C22orf23: variants seen among roughly 807,000 people sequenced by gnomAD.
C22orf23 encodes UPF0193 protein EVG1.
In C22orf23, 30 loss-of-function variants were observed where a neutral mutation model predicts 29.7. The observed-to-expected ratio is 1.01, with a 90% CI of 0.76 to 1.37. The LOEUF (loss-of-function observed/expected upper bound fraction) is 1.37. C22orf23 is among the 40% of genes most tolerant of loss of function. The probability of loss-of-function intolerance (pLI) is 0.00; values close to 1 mark genes in which losing one functional copy is unlikely to be tolerated. For missense variants in C22orf23, 237 were observed against 273.1 expected, an observed-to-expected ratio of 0.87 and a Z score of 0.93; for synonymous variants, 90 against 96.1, an observed-to-expected ratio of 0.94 and a Z score of 0.37.
Position 37,945,179 on chromosome 22 carries a change from G to A in C22orf23, c.350-6C>T. The A allele has an allele frequency of 6.2e-7, 1 of 1,608,322 alleles. No homozygotes were observed. The highest frequency in any genetic ancestry group is 8.5e-7 in the Non-Finnish European group (1 of 1,178,040). On this transcript the variant is annotated splice_polypyrimidine_tract_variant and splice_region_variant and intron_variant, in intron 4 of 6. Transcript: ENST00000403305. Reference sequence around the variant, plus strand: ...TTTCTCCTTCTCCAAATCCCCTGTAGGGCCAAAAAGAAATGGCCTAGTTAG... The same window carrying A: ...TTTCTCCTTCTCCAAATCCCCTGTAAGGCCAAAAAGAAATGGCCTAGTTAG...
chr22:37,952,848 C>T (rs1427810922), intron 2 of C22orf23, 199 bp downstream of exon 2: 10 of 505,010 alleles, frequency 2.0e-5, no homozygotes, highest in African/African-American at 1.6e-4. Context: ...CATAGGAGCG[C>T]GAACCCTATT....
At chr22:37,945,810 TAAAAAA>T (rs1169265242) in intron 4 of C22orf23, among the ~76,000 whole-genome samples, 1 of 80,814 alleles carries the variant, frequency 1.2e-5, no homozygotes, top group African/African-American at 4.5e-5. Context: ...ATCCTATCTC[TAAAAAA>T]AAAAAAAAAA....
At chr22:37,946,514 G>T (rs1237631769) in intron 4 of C22orf23, among the ~76,000 whole-genome samples, 1 of 150,808 alleles carries the variant, frequency 6.6e-6, no homozygotes, top group South Asian at 2.1e-4. Flanking sequence ...AGTTCTGGCT[G>T]CAGTGAGCTA....
At chr22:37,946,876 A>AG (rs912200755) in intron 4 of C22orf23, among the ~76,000 whole-genome samples, 1 of 149,254 alleles carries the variant, frequency 6.7e-6, no homozygotes, top group African/African-American at 2.5e-5. Context: ...CTGTCTTTAA[A>AG]AAAAAAAAAA....
At chr22:37,953,327 C>T in intron 1 of C22orf23, 121 bp downstream of exon 1, 1 of 599,974 alleles carries the variant, frequency 1.7e-6, no homozygotes, top group South Asian at 2.0e-5. Flanking sequence ...CACAGATACA[C>T]ACACACAGTC....
intron 3 of C22orf23, chr22:37,951,141 G>C (rs928158483): frequency 4.8e-6 from 1 of 206,492 alleles, no homozygotes; most frequent in Non-Finnish European, 9.9e-6. Context: ...GAACCCGGGA[G>C]GCAGAAGTTG....
intron 3 of C22orf23, among the ~76,000 whole-genome samples, chr22:37,947,749 C>T (rs1930789927): frequency 6.6e-6 from 1 of 151,162 alleles, no homozygotes; most frequent in Admixed American, 6.6e-5. Flanking sequence ...AAGTGATCCA[C>T]CCACCTCGGC....
At chr22:37,946,799 G>A (rs1451437903) in intron 4 of C22orf23, among the ~76,000 whole-genome samples, 5 of 150,120 alleles carry the variant, frequency 3.3e-5, no homozygotes, top group Admixed American at 6.6e-5. Flanking sequence ...GCTTGAACCC[G>A]GGAGGCGGAG....
chr22:37,947,371 TG>T lies in C22orf23; in HGVS notation c.258del (p.Ile87SerfsTer69). ...KQIASPIYLP[P>X]ILAARPHLRP... ...CGGAGGTGGGGACGGGCTGCGAGGA[TG>T]GGAGGCAGGTAGATGGGCGAGGCTA... On this transcript the variant is annotated frameshift_variant, in exon 4 of 7. Transcript: ENST00000403305. LOFTEE classifies it high-confidence loss of function. 2.5e-6 allele frequency: 4 copies of T among 1,613,746 alleles called. No individual in the cohort carries two copies. Among genetic ancestry groups the T allele is most frequent in the Non-Finnish European group, 2.5e-6 (3 of 1,179,872 alleles).
chr22:37,950,038 A>T (rs1375273480), intron 3 of C22orf23, among the ~76,000 whole-genome samples: 1 of 151,508 alleles, frequency 6.6e-6, no homozygotes, highest in Non-Finnish European at 1.5e-5. Flanking sequence ...GGGCTCAAGC[A>T]ATCCTCCTGC....
At position 37,951,513 on chromosome 22, in the gene C22orf23, TTCA is replaced by T. The variant is rs772960439; in HGVS notation, c.110_112del (p.Met37del). On this transcript the variant is annotated inframe_deletion, in exon 3 of 7. Transcript: ENST00000403305. ...CTGGATGTTCGTCAGTTTGGATTCC[TTCA>T]TCATCACTGCACGACAAAGCATTCT... is the stretch of plus-strand genomic sequence containing the variant. 5 of 1,614,010 alleles carry T rather than the reference TTCA, an allele frequency of 3.1e-6. No individual in the cohort carries two copies. The South Asian group carries it at 3.3e-5, about 11-fold the overall frequency.
intron 4 of C22orf23, among the ~76,000 whole-genome samples, chr22:37,946,210 G>C (rs891412601): frequency 2.6e-5 from 4 of 151,464 alleles, no homozygotes; most frequent in African/African-American, 9.7e-5. Context: ...AGTGAGCCGA[G>C]ATGGTGCCAC....
rs1178587769 is a variant in C22orf23, at chr22:37,945,079, C to T, written c.444G>A (p.Gln148=). The change falls in exon 5 of 7, where the codon CAG becomes CAA. Residue 148 remains glutamine (Q), a synonymous_variant. Coordinates refer to ENST00000403305, the MANE Select transcript of C22orf23 (RefSeq NM_032561.5). Reference sequence around the variant, plus strand: ...GGTCTAGCTCAGGGGCTGGAGCCTTCTGTCGTGCAGGAGGGGCCTTTCTTT... The same window carrying T: ...GGTCTAGCTCAGGGGCTGGAGCCTTTTGTCGTGCAGGAGGGGCCTTTCTTT... ...ERKRKAPPAR[Q]KAPAPELDRF... is the part of the protein sequence containing the mutation. The T allele has an allele frequency of 6.2e-7, 1 of 1,613,526 alleles. No individual in the cohort carries two copies. Among genetic ancestry groups the T allele is most frequent in the African/African-American group, 1.3e-5 (1 of 74,884 alleles).
intron 3 of C22orf23, among the ~76,000 whole-genome samples, chr22:37,948,967 T>C (rs1185757832): frequency 3.9e-5 from 6 of 152,188 alleles, no homozygotes; most frequent in Admixed American, 3.9e-4. Flanking sequence ...CTCACCTCCT[T>C]GTTTCAGAAA....
At chr22:37,946,498 C>T in intron 4 of C22orf23, among the ~76,000 whole-genome samples, 1 of 150,732 alleles carries the variant, frequency 6.6e-6, no homozygotes, top group Admixed American at 6.6e-5. Context: ...ATTGCTTGAG[C>T]TCAGGAGTTC....
intron 4 of C22orf23, among the ~76,000 whole-genome samples, chr22:37,946,567 C>T (rs1261635622): frequency 1.4e-5 from 2 of 139,262 alleles, no homozygotes; most frequent in Non-Finnish European, 3.0e-5. Flanking sequence ...AGAATGAGAG[C>T]GACACTGTCT....
chr22:37,944,908 A>G, intron 5 of C22orf23, 134 bp downstream of exon 5: 2 of 925,404 alleles, frequency 2.2e-6, no homozygotes, highest in Non-Finnish European at 3.2e-6. Flanking sequence ...CAAAATAAAT[A>G]AATAAATAAA....
At position 37,953,382 on chromosome 22, in the gene C22orf23, G is replaced by C. The variant is rs1423243356; in HGVS notation, c.-10+66C>G. On this transcript the variant is annotated intron_variant, in intron 1 of 6. Transcript: ENST00000403305. Reference sequence around the variant, plus strand: ...TGTGGCAGGGAAGTCTCCTCGGGAGGGAGTGTTAACACAGCCATGGTCACA... The same window carrying C: ...TGTGGCAGGGAAGTCTCCTCGGGAGCGAGTGTTAACACAGCCATGGTCACA... The C allele has an allele frequency of 7.0e-6, 4 of 574,344 alleles. No homozygotes were observed. In the Admixed American group the frequency reaches 1.3e-4, roughly 18 times the overall value. 35.6% of individuals were successfully genotyped at this position (574,344 alleles called of 1,614,324 possible).
At chr22:37,944,945 C>T (rs1423831108) in intron 5 of C22orf23, 97 bp downstream of exon 5, 6 of 1,261,146 alleles carry the variant, frequency 4.8e-6, no homozygotes, top group Non-Finnish European at 6.6e-6. Context: ...CTTGTTGGCC[C>T]TTGGCCCTCA....
Sources: gnomAD v4.1 joint callset for allele counts (sites outside exome capture counted in the v4.1 genomes callset) on GRCh38, gnomAD v4.1.1 for gene constraint, MANE v1.5 for transcripts, NCBI Gene and HGNC (gene_info 2026-07-23, HGNC 2026-07-21) for gene names.